Variants in RBFOX1 observed in about 807,000 individuals in gnomAD.
RBFOX1 encodes the protein RNA binding protein fox-1 homolog 1.
A neutral mutation model predicts 57.7 loss-of-function variants in RBFOX1; 8 were observed. The observed-to-expected ratio is 0.14, with a 90% CI of 0.08 to 0.25. The LOEUF (loss-of-function observed/expected upper bound fraction) is 0.25, where lower values mean the gene tolerates loss of function less well. Among genes scored for constraint, RBFOX1 ranks in the 10% least tolerant of loss-of-function variants. The pLI is 1.00. For missense variants in RBFOX1, 611 were observed against 548.5 expected (o/e 1.11, Z -1.14); for synonymous variants, 326 against 222.4 (o/e 1.47, Z -4.15).
rs1196146837 is a variant in RBFOX1, at chr16:6,525,528, A to G, written c.-63-129075A>G. Among the ~76,000 whole-genome samples, 7 of 152,334 alleles carry G rather than the reference A, an allele frequency of 4.6e-5. No homozygotes were observed. The South Asian group carries it at 8.3e-4, about 18-fold the overall frequency. ...TTGGTTGGTGCTGCTATAACAAAAC[A>G]TCACAGACTGGGTAATTTCTAAAGA... On this transcript the variant is annotated intron_variant, in intron 2 of 15. Coordinates refer to ENST00000550418, the MANE Select transcript of RBFOX1 (RefSeq NM_018723.4).
At chr16:6,804,654 T>A (rs1603626913) in intron 3 of RBFOX1, among the ~76,000 whole-genome samples, 2 of 152,276 alleles carry the variant, frequency 1.3e-5, no homozygotes, top group East Asian at 1.9e-4. Context: ...AATGAACTAT[T>A]CATTAGAACA....
At chr16:5,752,968 A>G (rs1486126115) in intron 3 of RBFOX1, among the ~76,000 whole-genome samples, 2 of 152,232 alleles carry the variant, frequency 1.3e-5, no homozygotes, top group East Asian at 1.9e-4. Context: ...GCTCTTGAAC[A>G]TAGTGAGACC....
chr16:6,919,216 C>T lies in RBFOX1; in HGVS notation c.-15-132841C>T, dbSNP rs889424903. The stretch of plus-strand genomic sequence containing the variant: ...CAGGCTGGTCTTGAACTCCTGACCT[C>T]AGGTGATCCGCCCGCCTCAGCTTCC... On this transcript the variant is annotated intron_variant, in intron 3 of 15. Transcript: ENST00000550418. Among the ~76,000 whole-genome samples, 5 of 152,124 alleles carry T rather than the reference C, an allele frequency of 3.3e-5. No individual in the cohort carries two copies. The South Asian group carries it at 8.3e-4, about 25-fold the overall frequency.
At chr16:6,362,713 G>A (rs933729225) in intron 2 of RBFOX1, among the ~76,000 whole-genome samples, 4 of 152,208 alleles carry the variant, frequency 2.6e-5, no homozygotes, top group East Asian at 1.9e-4. Flanking sequence ...GTAATCACAA[G>A]TTCCTGTTAT....
intron 1 of RBFOX1, among the ~76,000 whole-genome samples, chr16:5,454,745 T>TTTTCTTTTCTTTCTTTCCC (rs1355039539): frequency 3.6e-5 from 1 of 27,858 alleles, no homozygotes; most frequent in Non-Finnish European, 7.1e-5. Context: ...CTTTCTTTCT[T>TTTTCTTTTCTTTCTTTCCC]TTTCTTTTCT....
chr16:7,585,723 A>G (rs2094078468), intron 6 of RBFOX1, among the ~76,000 whole-genome samples: 1 of 152,096 alleles, frequency 6.6e-6, no homozygotes, highest in Admixed American at 6.5e-5. Context: ...TGTTTCTGGG[A>G]GGGTGGATTT....
At chr16:6,107,065 A>G (rs1357916497) in intron 1 of RBFOX1, among the ~76,000 whole-genome samples, 1 of 152,016 alleles carries the variant, frequency 6.6e-6, no homozygotes, top group Non-Finnish European at 1.5e-5. Flanking sequence ...CCCAGAGAAG[A>G]CCTCTTTTAC....
chr16:6,557,437 A>G (rs947923242), intron 2 of RBFOX1, among the ~76,000 whole-genome samples: 2 of 152,168 alleles, frequency 1.3e-5, no homozygotes, highest in Non-Finnish European at 2.9e-5. Context: ...TCACAATAAC[A>G]GCCACAATTT....
chr16:7,160,079 A>T (rs899314259), intron 4 of RBFOX1, among the ~76,000 whole-genome samples: 1 of 152,186 alleles, frequency 6.6e-6, no homozygotes, highest in East Asian at 1.9e-4. Context: ...AGGGACTCAT[A>T]ACAGTATTAG....
At chr16:5,430,273 G>T (rs1387714190) in intron 1 of RBFOX1, among the ~76,000 whole-genome samples, 1 of 152,176 alleles carries the variant, frequency 6.6e-6, no homozygotes, top group African/African-American at 2.4e-5. Context: ...CCTGACCTGG[G>T]GGTCAGGGGA....
At chr16:5,934,181 C>T (rs373729759) in intron 4 of RBFOX1, among the ~76,000 whole-genome samples, 7 of 152,338 alleles carry the variant, frequency 4.6e-5, no homozygotes, top group African/African-American at 1.4e-4. Flanking sequence ...GCTGCTGTTT[C>T]GTTGGCCTTC....
intron 4 of RBFOX1, among the ~76,000 whole-genome samples, chr16:5,892,493 C>CT (rs997756466): frequency 2.8e-4 from 42 of 152,116 alleles, no homozygotes; most frequent in African/African-American, 9.9e-4. Context: ...AAGTGCTTGG[C>CT]TTGTAGTAAG....
chr16:5,924,639 G>A (rs2058904312), intron 4 of RBFOX1, among the ~76,000 whole-genome samples: 1 of 152,162 alleles, frequency 6.6e-6, no homozygotes, highest in Non-Finnish European at 1.5e-5. Context: ...CATGCTTCTT[G>A]TGCAGCCTGC....
intron 4 of RBFOX1, among the ~76,000 whole-genome samples, chr16:7,282,248 ACAGT>A (rs1415669866): frequency 2.6e-5 from 4 of 152,264 alleles, no homozygotes; most frequent in Admixed American, 2.0e-4. Flanking sequence ...GCTCAGACTA[ACAGT>A]CAGAGGAACA....
chr16:6,648,034 G>C (rs1276342041), intron 2 of RBFOX1, among the ~76,000 whole-genome samples: 2 of 152,022 alleles, frequency 1.3e-5, no homozygotes, highest in African/African-American at 4.8e-5. Context: ...TAGAGACAGG[G>C]GTTTCATTTT....
chr16:5,847,019 G>T (rs553342049), intron 3 of RBFOX1, among the ~76,000 whole-genome samples: 2 of 152,162 alleles, frequency 1.3e-5, no homozygotes, highest in African/African-American at 4.8e-5. Flanking sequence ...CAAGAGGAGG[G>T]GAGAGAAGAA....
At chr16:6,451,669 C>G (rs933193010) in intron 2 of RBFOX1, among the ~76,000 whole-genome samples, 1 of 152,206 alleles carries the variant, frequency 6.6e-6, no homozygotes, top group Admixed American at 6.5e-5. Context: ...CCTTAGAAGC[C>G]TTCCCTTACC....
chr16:7,094,099 C>T (rs574454356), intron 4 of RBFOX1, among the ~76,000 whole-genome samples: 3 of 150,900 alleles, frequency 2.0e-5, no homozygotes, highest in African/African-American at 7.3e-5. Flanking sequence ...TAGCCCTTCT[C>T]TTCTTCATTT....
Position 6,173,048 on chromosome 16 carries a change from A to G in RBFOX1, c.-126-143947A>G, listed in dbSNP as rs570670127. 7.2e-5 allele frequency among the ~76,000 whole-genome samples: 11 copies of G among 152,306 alleles called. No homozygotes were observed. The South Asian group carries it at 2.3e-3, about 32-fold the overall frequency. On this transcript the variant is annotated intron_variant, in intron 1 of 15. Transcript: ENST00000550418. ...ATTTCTTTGATAGTAACAGCAAGAAAAGGTTCTCAGATTTTAAGGACTGAT... is the reference window on the plus strand; with the variant it reads ...ATTTCTTTGATAGTAACAGCAAGAAGAGGTTCTCAGATTTTAAGGACTGAT...
Sources: allele counts gnomAD v4.1 joint callset (sites outside exome capture counted in the v4.1 genomes callset), GRCh38; gene constraint gnomAD v4.1.1; transcripts MANE v1.5; gene names NCBI Gene and HGNC (gene_info 2026-07-23, HGNC 2026-07-21).